Variants in DDX55 observed in about 807,000 individuals in gnomAD.
The protein encoded by DDX55 is ATP-dependent RNA helicase DDX55.
Under a neutral mutation model 69.2 loss-of-function variants are expected in DDX55, and 56 were observed. The ratio of observed to expected loss-of-function variants is 0.81; its 90% confidence interval spans 0.65 to 1.01. The LOEUF is 1.01. Among genes scored for constraint, DDX55 ranks in the 50% least tolerant of loss-of-function variants. DDX55 has a pLI of 0.00. For synonymous variants in DDX55, 268 were observed against 273.1 expected, an observed-to-expected ratio of 0.98 and a Z score of 0.18; for missense variants, 720 against 745.1, an observed-to-expected ratio of 0.97 and a Z score of 0.39.
At chr12:123,619,071 C>A (rs550715956) in intron 12 of DDX55, among the ~76,000 whole-genome samples, 3 of 152,262 alleles carry the variant, frequency 2.0e-5, no homozygotes, top group Non-Finnish European at 4.4e-5. Context: ...GGCGCGATCT[C>A]GGCTCACTGT....
intron 3 of DDX55, among the ~76,000 whole-genome samples, chr12:123,607,127 G>A (rs1953940030): frequency 6.6e-6 from 1 of 152,210 alleles, no homozygotes; most frequent in Non-Finnish European, 1.5e-5. Flanking sequence ...TGTATTGATT[G>A]GTTGACAAAA....
chr12:123,602,461 C>T (rs547513451), intron 1 of DDX55, among the ~76,000 whole-genome samples: 2 of 152,340 alleles, frequency 1.3e-5, no homozygotes, highest in African/African-American at 4.8e-5. Flanking sequence ...CGACCCACCC[C>T]GCCCTCGGGT....
chr12:123,610,899 TG>T (rs1032978861), intron 7 of DDX55, among the ~76,000 whole-genome samples: 6 of 148,268 alleles, frequency 4.0e-5, no homozygotes, highest in Admixed American at 6.7e-5. Context: ...CGTTTTTTTT[TG>T]TTTGTTTTTT....
rs1017099276 is a variant in DDX55 at position 123,620,925 on chromosome 12, GGT to G, written c.*788_*789del. On this transcript the variant is annotated 3_prime_UTR_variant, in exon 14 of 14. Transcript: ENST00000238146. ...TTTTTATGCCTCCTGTTGAATAAAT[GGT>G]GTCCTGATTGCCTGGGTCTTAAGTG... 3.3e-5 allele frequency: 5 copies of G among 152,030 alleles called. No homozygotes were observed. Among genetic ancestry groups the G allele is most frequent in the African/African-American group, 1.2e-4 (5 of 41,372 alleles). 9.4% of individuals were successfully genotyped at this position (152,030 alleles called of 1,614,324 possible).
rs758259507 is a variant in DDX55, at chr12:123,610,115, A to G, written c.728A>G (p.Glu243Gly). The change falls in exon 7 of 14, where the codon GAA becomes GGA. Residue 243 changes from glutamate to glycine, a missense_variant. By Grantham distance (98) the Glu-to-Gly change is moderately conservative (BLOSUM62 -2). Coordinates refer to ENST00000238146, the MANE Select transcript of DDX55 (RefSeq NM_020936.3). ...GCCCAGAAGACCCCCTCCCGCCTGG[A>G]AAACTACTACATGGTAAGCGCCTGG... Reference protein sequence around the residue: ...SSAQKTPSRLENYYMVCKADE... With the variant: ...SSAQKTPSRLGNYYMVCKADE... The G allele has an allele frequency of 2.5e-6, 4 of 1,613,622 alleles. No individual in the cohort carries two copies. The East Asian group carries it at 8.9e-5, about 36-fold the overall frequency.
chr12:123,605,850 C>T, intron 1 of DDX55, 81 bp from the exon 2 acceptor site: 1 of 1,589,174 alleles, frequency 6.3e-7, no homozygotes, highest in Non-Finnish European at 8.6e-7. Context: ...CCTTAGCTGC[C>T]CATTATGTTC....
At chr12:123,608,553 A>G in intron 5 of DDX55, 127 bp from the exon 6 acceptor site, 1 of 1,135,818 alleles carries the variant, frequency 8.8e-7, no homozygotes. Context: ...TTCTACTCTC[A>G]TGCTCTTCGT....
chr12:123,613,629 A>G (rs1330707730), intron 8 of DDX55, among the ~76,000 whole-genome samples: 2 of 152,200 alleles, frequency 1.3e-5, no homozygotes, highest in Non-Finnish European at 2.9e-5. Context: ...AATGTTAGCT[A>G]TATCCATGCC....
intron 9 of DDX55, 108 bp from the exon 10 acceptor site, chr12:123,616,403 T>A (rs1337107923): frequency 1.1e-6 from 1 of 917,632 alleles, no homozygotes; most frequent in East Asian, 2.5e-5. Context: ...TTTGCTTCTG[T>A]GAGAAGCTCC....
intron 5 of DDX55, chr12:123,607,956 C>G: frequency 2.2e-6 from 1 of 457,232 alleles, no homozygotes; most frequent in Admixed American, 3.6e-5. Flanking sequence ...GCCTTGAATA[C>G]TCAGCTCCAG....
Position 123,607,615 on chromosome 12 carries a change from C to G in DDX55, c.354C>G (p.Ile118Met), listed in dbSNP as rs373251266. The part of the protein sequence containing the change: ...HFPEFSQILW[I>M]GGRNPGEDVE... Reference sequence around the variant, plus strand: ...CTTGTTGTAGCCAGATTCTTTGGATCGGAGGCAGGAATCCTGGAGAAGATG... The same window carrying G: ...CTTGTTGTAGCCAGATTCTTTGGATGGGAGGCAGGAATCCTGGAGAAGATG... The change falls in exon 5 of 14, where the codon ATC becomes ATG. Residue 118 changes from isoleucine (I) to methionine (M), a missense_variant. Coordinates refer to ENST00000238146, the MANE Select transcript of DDX55 (RefSeq NM_020936.3). The G allele has an allele frequency of 3.7e-6, 6 of 1,613,990 alleles. No homozygotes were observed. Among genetic ancestry groups the G allele is most frequent in the Non-Finnish European group, 3.4e-6 (4 of 1,180,030 alleles).
intron 12 of DDX55, 146 bp downstream of exon 12, chr12:123,618,983 CCTTTT>C (rs1162031895): frequency 6.4e-6 from 8 of 1,243,190 alleles, no homozygotes; most frequent in South Asian, 1.6e-5. Flanking sequence ...GCTGAGTATT[CCTTTT>C]AACTTTGTAA....
rs371557116 is a variant in DDX55, at chr12:123,616,526, C to A, written c.972C>A (p.Cys324Ter). The A allele has an allele frequency of 1.2e-6, 2 of 1,614,064 alleles. No homozygotes were observed. The highest frequency in any genetic ancestry group is 1.7e-6 in the Non-Finnish European group (2 of 1,179,992). ...CATTTCCTAGTGGGATTTTAGTGTGCACTGATGTGATGGCCCGGGGAATTG... is the reference window on the plus strand; with the variant it reads ...CATTTCCTAGTGGGATTTTAGTGTGAACTGATGTGATGGCCCGGGGAATTG... ...FRKLQSGILV[C>*]TDVMARGIDI... Residue 324 changes from cysteine (C) to a stop codon, truncating the protein, a stop_gained, in exon 10 of 14, where the codon TGC becomes TGA. Transcript: ENST00000238146. LOFTEE classifies it high-confidence loss of function.
intron 7 of DDX55, among the ~76,000 whole-genome samples, chr12:123,612,029 T>C (rs1954282223): frequency 6.6e-6 from 1 of 152,222 alleles, no homozygotes; most frequent in Admixed American, 6.5e-5. Context: ...TAGTGCTTAG[T>C]ACACAATAAG....
Position 123,610,064 on chromosome 12 carries a change from A to G in DDX55, c.677A>G (p.Lys226Arg), listed in dbSNP as rs747316204. 80 of 1,614,060 alleles carry G rather than the reference A, an allele frequency of 5.0e-5. No individual in the cohort carries two copies. Among genetic ancestry groups the G allele is most frequent in the Non-Finnish European group, 6.2e-5 (73 of 1,180,050 alleles). Residue 226 changes from lysine (K) to arginine (R), a missense_variant, in exon 7 of 14, where the codon AAG becomes AGG. Lys to Arg is a conservative substitution (Grantham distance 26). Coordinates refer to ENST00000238146, the MANE Select transcript of DDX55 (RefSeq NM_020936.3). ...GLRNPVRVSV[K>R]EKGVAASSAQ... is the part of the protein sequence containing the mutation. ...CGGAACCCTGTCCGGGTCTCAGTGA[A>G]GGAGAAGGGCGTGGCAGCCAGCAGT...
chr12:123,605,246 T>A (rs786434), intron 1 of DDX55: 1 of 154,192 alleles, frequency 6.5e-6, no homozygotes, highest in African/African-American at 2.4e-5. Flanking sequence ...TGGTCTGGAA[T>A]TCCTGGCCTT....
In DDX55 at chr12:123,615,268, T is replaced by C; in HGVS notation, c.908T>C (p.Met303Thr). Residue 303 changes from methionine to threonine, a missense_variant, in exon 9 of 14, where the codon ATG becomes ACG. By Grantham distance (81) the Met-to-Thr change is moderately conservative. Coordinates refer to ENST00000238146, the MANE Select transcript of DDX55 (RefSeq NM_020936.3). ...GVKIMCIHGK[M>T]KYKRNKIFME... is the part of the protein sequence containing the mutation. ...AAGATTATGTGCATTCACGGAAAGATGAAATATAAACGCAATAAGATCTTC... is the reference window on the plus strand; with the variant it reads ...AAGATTATGTGCATTCACGGAAAGACGAAATATAAACGCAATAAGATCTTC... The C allele has an allele frequency of 2.5e-6, 4 of 1,614,124 alleles. No individual in the cohort carries two copies. Among genetic ancestry groups the C allele is most frequent in the Middle Eastern group, 3.3e-4 (2 of 6,062 alleles).
chr12:123,617,426 G>A (rs1954759942), intron 10 of DDX55, among the ~76,000 whole-genome samples: 1 of 152,140 alleles, frequency 6.6e-6, no homozygotes, highest in Non-Finnish European at 1.5e-5. Flanking sequence ...TTACTCCTGA[G>A]GTTATTGGTC....
At chr12:123,607,304 C>A in intron 3 of DDX55, 128 bp from the exon 4 acceptor site, 2 of 938,294 alleles carry the variant, frequency 2.1e-6, no homozygotes, top group Non-Finnish European at 3.3e-6. Context: ...AGAGATGCTG[C>A]TGAGAAAGTC....
Sources: allele counts gnomAD v4.1 joint callset (sites outside exome capture counted in the v4.1 genomes callset), GRCh38; gene constraint gnomAD v4.1.1; transcripts MANE v1.5; gene names NCBI Gene and HGNC (gene_info 2026-07-23, HGNC 2026-07-21).